The following RTF2 variants were observed in gnomAD, a reference collection of about 807,000 sequenced individuals.
RTF2 encodes the protein replication termination factor 2, also known as UPF0549 protein C20orf43.
RTF2 carries 18 observed loss-of-function variants against 38.0 expected under a neutral mutation model. That is an observed-to-expected ratio of 0.47 (90% CI 0.33 to 0.70). RTF2 has a LOEUF of 0.70. Ranked by LOEUF, RTF2 falls within the 30% of genes least tolerant of loss-of-function variation. The probability of loss-of-function intolerance (pLI) is 0.02; values close to 1 mark genes in which losing one functional copy is unlikely to be tolerated. For missense variants in RTF2, 311 were observed against 379.6 expected (o/e 0.82, Z 1.50); for synonymous variants, 126 against 137.1 (o/e 0.92, Z 0.57).
chr20:56,518,432 G>T lies in RTF2; in HGVS notation c.*167G>T. The T allele has an allele frequency of 1.6e-6, 1 of 619,280 alleles. No homozygotes were observed. Among genetic ancestry groups the T allele is most frequent in the African/African-American group, 1.9e-5 (1 of 53,418 alleles). 38.4% of individuals were successfully genotyped at this position (619,280 alleles called of 1,614,324 possible). A position where few individuals can be genotyped will look rare whatever the true frequency, so the allele number is the denominator to read the frequency against. On this transcript the variant is annotated 3_prime_UTR_variant, in exon 9 of 9. Transcript: ENST00000357348. ...TGTGGCCACTCTTGATGTGAGGCGT[G>T]TCGGTTCCAGGGGGGACATGGGAGG...
At chr20:56,493,992 G>A (rs1009217880) in intron 5 of RTF2, among the ~76,000 whole-genome samples, 1 of 152,168 alleles carries the variant, frequency 6.6e-6, no homozygotes, top group Non-Finnish European at 1.5e-5. Context: ...CCCTGTGCCT[G>A]TGGGAGTGAC....
At position 56,519,409 on chromosome 20, in the gene RTF2, A is replaced by G. The variant is rs1985257086; in HGVS notation, c.*1144A>G. 6.6e-6 allele frequency: 1 copy of G among 152,190 alleles called. No homozygotes were observed. The highest frequency in any genetic ancestry group is 6.5e-5 in the Admixed American group (1 of 15,280). The allele number at this position is 152,190 out of a possible 1,614,324, so 9.4% of individuals were successfully genotyped here. On this transcript the variant is annotated 3_prime_UTR_variant, in exon 9 of 9. Transcript: ENST00000357348. ...AAGGTTTGGCCCCAAGGATATTTTG[A>G]CATTGTGAGTATAGAGCATTTTAAT...
At chr20:56,505,452 C>T (rs978026444) in intron 5 of RTF2, among the ~76,000 whole-genome samples, 1 of 151,158 alleles carries the variant, frequency 6.6e-6, no homozygotes, top group Non-Finnish European at 1.5e-5. Flanking sequence ...CATGCCACTG[C>T]ACTGCAGTCT....
At chr20:56,489,200 C>T (rs778925795) in intron 5 of RTF2, among the ~76,000 whole-genome samples, 7 of 149,784 alleles carry the variant, frequency 4.7e-5, no homozygotes, top group East Asian at 2.0e-4. Flanking sequence ...GGACTACAGG[C>T]GCCCACCACC....
chr20:56,497,726 A>G, intron 5 of RTF2: 1 of 645,790 alleles, frequency 1.5e-6, no homozygotes, highest in Non-Finnish European at 2.2e-6. Context: ...AACTTTATTG[A>G]AATACACTAA....
At chr20:56,484,895 C>A (rs1432839319) in intron 5 of RTF2, among the ~76,000 whole-genome samples, 1 of 152,176 alleles carries the variant, frequency 6.6e-6, no homozygotes, top group Non-Finnish European at 1.5e-5. Flanking sequence ...CTGTATTTTC[C>A]TGTATCAACC....
chr20:56,517,883 G>A (rs941016966), intron 8 of RTF2, among the ~76,000 whole-genome samples: 12 of 152,114 alleles, frequency 7.9e-5, no homozygotes, highest in Admixed American at 4.6e-4. Context: ...CAGTGTCTGC[G>A]ACAGAGCAAG....
intron 5 of RTF2, among the ~76,000 whole-genome samples, chr20:56,511,832 A>G (rs1984688078): frequency 6.6e-6 from 1 of 151,934 alleles, no homozygotes; most frequent in African/African-American, 2.4e-5. Flanking sequence ...CACTTGGGTT[A>G]GACCCCTCTT....
intron 6 of RTF2, among the ~76,000 whole-genome samples, chr20:56,514,885 A>G (rs1984920381): frequency 6.6e-6 from 1 of 152,212 alleles, no homozygotes; most frequent in African/African-American, 2.4e-5. Flanking sequence ...ACAACTGTTT[A>G]AAGAGTCACT....
intron 1 of RTF2, chr20:56,470,576 G>A (rs6024898): frequency 0.43 from 193,886 of 455,450 alleles, 44,924 homozygotes; most frequent in East Asian, 0.94. Context: ...CCTGGGTGAC[G>A]GGATCATCTT....
At chr20:56,472,564 TG>T in intron 1 of RTF2, 2 of 454,246 alleles carry the variant, frequency 4.4e-6, no homozygotes, top group Non-Finnish European at 7.6e-6. Context: ...ATGTAGTCTT[TG>T]TTCTGAACTT....
Position 56,468,661 on chromosome 20 carries a change from T to G in RTF2, c.-37T>G. On this transcript the variant is annotated 5_prime_UTR_variant, in exon 1 of 9. Transcript: ENST00000357348. ...GCCGGAAATCCCGGAAGTGACAGCT[T>G]TGGGGGTTTGCTGCTGGCTCTGACT... 1 of 1,544,846 alleles carries G rather than the reference T, an allele frequency of 6.5e-7. No homozygotes were observed. The highest frequency in any genetic ancestry group is 8.8e-7 in the Non-Finnish European group (1 of 1,139,982).
intron 4 of RTF2, among the ~76,000 whole-genome samples, chr20:56,479,678 A>C (rs181421642): frequency 1.3e-5 from 2 of 152,244 alleles, no homozygotes; most frequent in African/African-American, 4.8e-5. Context: ...TTTAAAGTCA[A>C]AGTTCCACCT....
chr20:56,471,614 T>TCTTTCC (rs1426542179), intron 1 of RTF2: 2 of 152,054 alleles, frequency 1.3e-5, no homozygotes, highest in African/African-American at 4.8e-5. Flanking sequence ...GTCTTTCCAG[T>TCTTTCC]ACAGATATGT....
rs1985174684 is a variant in RTF2, at chr20:56,518,237, G to T, written c.893G>T (p.Trp298Leu). ...AKRSKEESAH[W>L]VTHTSYCF ...CGCTCCAAGGAGGAGTCTGCCCACT[G>T]GGTCACCCACACGTCCTACTGCTTC... Residue 298 changes from tryptophan to leucine, a missense_variant, in exon 9 of 9, where the codon TGG becomes TTG. Trp to Leu is a moderately conservative substitution (Grantham distance 61). Coordinates refer to ENST00000357348, the MANE Select transcript of RTF2 (RefSeq NM_016407.5). The T allele has an allele frequency of 6.2e-7, 1 of 1,613,706 alleles. No homozygotes were observed. The highest frequency in any genetic ancestry group is 1.1e-5 in the South Asian group (1 of 91,032).
Position 56,489,445 on chromosome 20 carries a change from T to G in RTF2, c.477+5256T>G, listed in dbSNP as rs531077115. On this transcript the variant is annotated intron_variant, in intron 5 of 8. Coordinates refer to ENST00000357348, the MANE Select transcript of RTF2 (RefSeq NM_016407.5). ...GCAGGTGTTTGTTTCAATTTGTGCTTCTTTGTGTGACGTAAGGTCATGTAG... is the reference window on the plus strand; with the variant it reads ...GCAGGTGTTTGTTTCAATTTGTGCTGCTTTGTGTGACGTAAGGTCATGTAG... Among the ~76,000 whole-genome samples, 7 of 152,276 alleles carry G rather than the reference T, an allele frequency of 4.6e-5. No homozygotes were observed. The East Asian group carries it at 1.4e-3, about 29-fold the overall frequency.
intron 4 of RTF2, among the ~76,000 whole-genome samples, chr20:56,483,289 C>T (rs1055535518): frequency 1.3e-5 from 2 of 152,000 alleles, no homozygotes; most frequent in African/African-American, 4.8e-5. Flanking sequence ...TTGTATCCAC[C>T]TGACAACAAA....
intron 5 of RTF2, among the ~76,000 whole-genome samples, chr20:56,492,491 G>A (rs139410391): frequency 0.031 from 4,633 of 150,586 alleles, 109 homozygotes; most frequent in Admixed American, 0.079. Flanking sequence ...AGGCCGAGGC[G>A]GGAGAATGAC....
At chr20:56,469,723 C>G (rs1311233074) in intron 1 of RTF2, among the ~76,000 whole-genome samples, 4 of 152,308 alleles carry the variant, frequency 2.6e-5, no homozygotes, top group Non-Finnish European at 5.9e-5. Flanking sequence ...GGCTTCCCAT[C>G]ACATTAAGAA....
Sources: gnomAD v4.1 joint callset for allele counts (sites outside exome capture counted in the v4.1 genomes callset) on GRCh38, gnomAD v4.1.1 for gene constraint, MANE v1.5 for transcripts, NCBI Gene and HGNC (gene_info 2026-07-23, HGNC 2026-07-21) for gene names.